SUGCT: variants seen among roughly 807,000 people sequenced by gnomAD.
SUGCT encodes the protein succinyl-CoA:glutarate CoA-transferase.
A neutral mutation model predicts 55.0 loss-of-function variants in SUGCT; 41 were observed. The observed-to-expected ratio is 0.74, with a 90% CI of 0.58 to 0.97. The LOEUF (loss-of-function observed/expected upper bound fraction) is 0.97, where lower values mean the gene tolerates loss of function less well. SUGCT is among the 50% of genes least tolerant of loss of function. The probability of loss-of-function intolerance (pLI) is 0.00; values close to 1 mark genes in which losing one functional copy is unlikely to be tolerated. For synonymous variants in SUGCT, 187 were observed against 200.4 expected (o/e 0.93, Z 0.56); for missense variants, 568 against 547.8 (o/e 1.04, Z -0.37).
intron 9 of SUGCT, among the ~76,000 whole-genome samples, chr7:40,383,908 C>G (rs948546838): frequency 1.3e-5 from 2 of 151,916 alleles, no homozygotes; most frequent in Non-Finnish European, 2.9e-5. Flanking sequence ...ATATGCTTCC[C>G]CCTGCACAGA....
At chr7:40,628,203 C>T (rs921020902) in intron 12 of SUGCT, among the ~76,000 whole-genome samples, 1 of 152,168 alleles carries the variant, frequency 6.6e-6, no homozygotes, top group Non-Finnish European at 1.5e-5. Flanking sequence ...TTTTAATAAC[C>T]TAAACTTTCC....
intron 9 of SUGCT, among the ~76,000 whole-genome samples, chr7:40,329,139 C>G (rs758244098): frequency 1.6e-4 from 25 of 152,144 alleles, no homozygotes; most frequent in Non-Finnish European, 2.6e-4. Context: ...TTAGCACCAA[C>G]ACAGTACCCT....
At chr7:40,466,687 A>G (rs1790127030) in intron 11 of SUGCT, among the ~76,000 whole-genome samples, 1 of 152,200 alleles carries the variant, frequency 6.6e-6, no homozygotes, top group South Asian at 2.1e-4. Context: ...AGAACTGACC[A>G]AAGGGAAAAA....
chr7:40,721,136 T>C (rs1215502792), intron 12 of SUGCT, among the ~76,000 whole-genome samples: 2 of 152,196 alleles, frequency 1.3e-5, no homozygotes, highest in Non-Finnish European at 2.9e-5. Context: ...ACTTTGAGAA[T>C]GTGTTGATGG....
In SUGCT at chr7:40,301,656, A is replaced by G. The variant is rs150935855; in HGVS notation, c.721-15104A>G. On this transcript the variant is annotated intron_variant, in intron 8 of 13. Transcript: ENST00000335693. ...CCTGTTATTTTGGGAACCATTCCAC[A>G]GAAGCTCAAGAGAGCAGTGCAGTGT... is the stretch of plus-strand genomic sequence containing the variant. Among the ~76,000 whole-genome samples, 681 of 152,362 alleles carry G rather than the reference A, an allele frequency of 4.5e-3. 6 individuals are homozygous for G. The highest frequency in any genetic ancestry group is 0.016 in the African/African-American group (651 of 41,594).
chr7:40,863,775 A>G (rs1003584490), downstream of SUGCT, among the ~76,000 whole-genome samples: 4 of 152,176 alleles, frequency 2.6e-5, no homozygotes, highest in Admixed American at 6.5e-5. Context: ...TTCTTGAGGT[A>G]CAACGGGCCT....
At chr7:40,888,175 G>A in the SUGCT span, among the ~76,000 whole-genome samples, 6 of 152,092 alleles carry the variant, frequency 3.9e-5, no homozygotes, top group South Asian at 2.1e-4. Flanking sequence ...ACTCATGTTC[G>A]ACTGAAACCT....
At chr7:40,335,758 G>T (rs938491546) in intron 9 of SUGCT, among the ~76,000 whole-genome samples, 5 of 152,074 alleles carry the variant, frequency 3.3e-5, no homozygotes, top group African/African-American at 1.2e-4. Flanking sequence ...CTCCCTGATT[G>T]CCCTGGCCAG....
the SUGCT span, among the ~76,000 whole-genome samples, chr7:40,955,117 A>G: frequency 1.1e-4 from 17 of 152,108 alleles, no homozygotes; most frequent in Admixed American, 1.1e-3. Flanking sequence ...TCTTGAATAT[A>G]TGGGCTCTTT....
chr7:40,916,697 G>A, the SUGCT span, among the ~76,000 whole-genome samples: 1 of 152,170 alleles, frequency 6.6e-6, no homozygotes, highest in Non-Finnish European at 1.5e-5. Context: ...CTTTATGTAT[G>A]TGCATGTGTT....
intron 13 of SUGCT, among the ~76,000 whole-genome samples, chr7:40,824,001 G>T (rs1212515976): frequency 6.6e-6 from 1 of 152,110 alleles, no homozygotes; most frequent in Non-Finnish European, 1.5e-5. Context: ...TTTCCTAAAA[G>T]AACTCACACT....
intron 9 of SUGCT, among the ~76,000 whole-genome samples, chr7:40,334,757 T>G: frequency 6.6e-6 from 1 of 152,244 alleles, no homozygotes; most frequent in East Asian, 1.9e-4. Context: ...TTTTGTTTAA[T>G]TAGATCCCAT....
chr7:40,580,819 G>A (rs957207191), intron 12 of SUGCT, among the ~76,000 whole-genome samples: 6 of 152,104 alleles, frequency 3.9e-5, no homozygotes, highest in South Asian at 4.1e-4. Context: ...ATTGCCTACC[G>A]TATTCAGTAC....
chr7:40,391,527 G>GA (rs1175650292), intron 9 of SUGCT, among the ~76,000 whole-genome samples: 4 of 152,254 alleles, frequency 2.6e-5, no homozygotes, highest in Non-Finnish European at 5.9e-5. Flanking sequence ...ACAGACACAT[G>GA]AAAAAATGCT....
chr7:40,851,513 C>G (rs1039563635), intron 13 of SUGCT, among the ~76,000 whole-genome samples: 1 of 152,182 alleles, frequency 6.6e-6, no homozygotes, highest in Non-Finnish European at 1.5e-5. Flanking sequence ...CTCTGTAATT[C>G]TGGCTTCCAT....
the SUGCT span, among the ~76,000 whole-genome samples, chr7:41,026,553 A>G: frequency 6.6e-6 from 1 of 152,236 alleles, no homozygotes; most frequent in Non-Finnish European, 1.5e-5. Flanking sequence ...GCAACAACTT[A>G]AAGTAAAAGG....
intron 13 of SUGCT, among the ~76,000 whole-genome samples, chr7:40,838,634 T>C (rs1348712226): frequency 1.3e-5 from 2 of 152,138 alleles, no homozygotes; most frequent in African/African-American, 4.8e-5. Context: ...TCTAGCGTTT[T>C]GTTTGTTTGC....
chr7:40,378,127 A>G (rs201565306), intron 9 of SUGCT, among the ~76,000 whole-genome samples: 2 of 48,468 alleles, frequency 4.1e-5, no homozygotes, highest in East Asian at 2.7e-4. Context: ...TTTTTTTTCC[A>G]AAAAAGATGG....
the SUGCT span, among the ~76,000 whole-genome samples, chr7:41,011,507 G>T: frequency 6.6e-6 from 1 of 152,222 alleles, no homozygotes; most frequent in Non-Finnish European, 1.5e-5. Context: ...CCAACCTCTA[G>T]GGGAGCTTGT....
Sources: allele counts gnomAD v4.1 joint callset (sites outside exome capture counted in the v4.1 genomes callset), GRCh38; gene constraint gnomAD v4.1.1; transcripts MANE v1.5; gene names NCBI Gene and HGNC (gene_info 2026-07-23, HGNC 2026-07-21).